The following MACROD2 variants were observed in gnomAD, a reference collection of about 807,000 sequenced individuals.
MACROD2 encodes the protein mono-ADP ribosylhydrolase 2, also known as ADP-ribose glycohydrolase MACROD2.
In MACROD2, 36 loss-of-function variants were observed where a neutral mutation model predicts 70.4. That is an observed-to-expected ratio of 0.51 (90% CI 0.39 to 0.68). The LOEUF is 0.68. Ranked by LOEUF, MACROD2 falls within the 30% of genes least tolerant of loss-of-function variation. MACROD2 has a pLI of 0.00. For synonymous variants in MACROD2, 172 were observed against 178.8 expected (o/e 0.96, Z 0.30); for missense variants, 496 against 538.4 (o/e 0.92, Z 0.78).
chr20:15,202,650 T>G (rs2076666629), intron 5 of MACROD2, among the ~76,000 whole-genome samples: 1 of 152,224 alleles, frequency 6.6e-6, no homozygotes, highest in South Asian at 2.1e-4. Flanking sequence ...TGACCTATCT[T>G]GCTGGGTTCC....
chr20:14,955,336 A>G (rs116845262), intron 5 of MACROD2, among the ~76,000 whole-genome samples: 17,788 of 144,280 alleles, frequency 0.12, 1,387 homozygotes, highest in East Asian at 0.33. Context: ...AACATATACT[A>G]TATAATTTTT....
intron 7 of MACROD2, among the ~76,000 whole-genome samples, chr20:15,496,248 T>G (rs2047296404): frequency 6.6e-6 from 1 of 152,220 alleles, no homozygotes; most frequent in Non-Finnish European, 1.5e-5. Context: ...AGAGAGCTGT[T>G]TAAATCAGTA....
At chr20:14,218,526 G>A (rs2081643068) in intron 3 of MACROD2, among the ~76,000 whole-genome samples, 1 of 152,212 alleles carries the variant, frequency 6.6e-6, no homozygotes, top group South Asian at 2.1e-4. Flanking sequence ...GTATTGAAAT[G>A]TGAGGTACCA....
intron 6 of MACROD2, among the ~76,000 whole-genome samples, chr20:15,417,319 G>A (rs1374256106): frequency 6.7e-6 from 1 of 150,160 alleles, no homozygotes; most frequent in Non-Finnish European, 1.5e-5. Flanking sequence ...GGCCAGATAT[G>A]GGGGTTCACG....
intron 4 of MACROD2, among the ~76,000 whole-genome samples, chr20:14,634,197 A>G (rs1420573536): frequency 6.6e-6 from 1 of 152,180 alleles, no homozygotes; most frequent in African/African-American, 2.4e-5. Context: ...CTGAAGTAGG[A>G]CATTTCCCTC....
In MACROD2 at chr20:14,334,030, A is replaced by C. The variant is rs1186534944; in HGVS notation, c.272-159449A>C. Among the ~76,000 whole-genome samples, 3 of 152,230 alleles carry C rather than the reference A, an allele frequency of 2.0e-5. No individual in the cohort carries two copies. In the East Asian group the frequency reaches 5.8e-4, roughly 29 times the overall value. The stretch of plus-strand genomic sequence containing the variant: ...CTCCCTCCTTTGATTTAAACAGAAT[A>C]ATACCTGCAGAAAGCTTTTTATACA... On this transcript the variant is annotated intron_variant, in intron 3 of 17. Coordinates refer to ENST00000684519, the MANE Select transcript of MACROD2 (RefSeq NM_001351661.2).
intron 5 of MACROD2, among the ~76,000 whole-genome samples, chr20:14,733,921 G>T (rs1220420745): frequency 6.6e-6 from 1 of 152,098 alleles, no homozygotes; most frequent in Non-Finnish European, 1.5e-5. Flanking sequence ...ACCTCTTAAT[G>T]CCTTAGTTTC....
chr20:15,404,617 CTT>C (rs1250373731), intron 6 of MACROD2, among the ~76,000 whole-genome samples: 2 of 152,184 alleles, frequency 1.3e-5, no homozygotes, highest in African/African-American at 4.8e-5. Context: ...AATTCTGTCT[CTT>C]TGAGGTTTTT....
intron 6 of MACROD2, among the ~76,000 whole-genome samples, chr20:15,296,416 G>T (rs888087771): frequency 2.0e-5 from 3 of 152,106 alleles, no homozygotes; most frequent in Non-Finnish European, 2.9e-5. Flanking sequence ...GACTACAAGG[G>T]TATTACACAG....
At chr20:14,772,857 G>A (rs1402227300) in intron 5 of MACROD2, among the ~76,000 whole-genome samples, 1 of 152,024 alleles carries the variant, frequency 6.6e-6, no homozygotes, top group African/African-American at 2.4e-5. Context: ...TCTGGTAAAA[G>A]AAAAACTGAC....
At chr20:15,682,907 A>G (rs752804341) in intron 8 of MACROD2, among the ~76,000 whole-genome samples, 3 of 152,166 alleles carry the variant, frequency 2.0e-5, no homozygotes, top group Admixed American at 6.5e-5. Context: ...CACATTAGTC[A>G]TCTTTTAGAA....
intron 2 of MACROD2, among the ~76,000 whole-genome samples, chr20:14,058,467 C>T (rs1254067833): frequency 6.6e-6 from 1 of 150,708 alleles, no homozygotes; most frequent in Non-Finnish European, 1.5e-5. Context: ...ACTTTTTTCT[C>T]TTATATTTTG....
intron 10 of MACROD2, among the ~76,000 whole-genome samples, chr20:15,924,607 T>C (rs1432519510): frequency 6.6e-6 from 1 of 152,218 alleles, no homozygotes; most frequent in Admixed American, 6.5e-5. Context: ...TGTCAACTCC[T>C]AAAGGGAAAG....
intron 5 of MACROD2, among the ~76,000 whole-genome samples, chr20:14,977,297 ATTT>A (rs777982225): frequency 0.048 from 6,174 of 129,978 alleles, 449 homozygotes; most frequent in African/African-American, 0.16. Context: ...TAACACCTTG[ATTT>A]TTTTTTTTTT....
intron 5 of MACROD2, among the ~76,000 whole-genome samples, chr20:14,837,561 C>T (rs2073042975): frequency 6.6e-6 from 1 of 152,038 alleles, no homozygotes; most frequent in Non-Finnish European, 1.5e-5. Context: ...GTCTTGAAAT[C>T]TCCTGACTTC....
At chr20:15,078,181 G>C (rs771325176) in intron 5 of MACROD2, among the ~76,000 whole-genome samples, 1 of 152,106 alleles carries the variant, frequency 6.6e-6, no homozygotes, top group Non-Finnish European at 1.5e-5. Context: ...ACAATCAGGG[G>C]ACTTGGAGTT....
At chr20:15,927,016 C>T (rs1206638494) in intron 10 of MACROD2, among the ~76,000 whole-genome samples, 1 of 152,148 alleles carries the variant, frequency 6.6e-6, no homozygotes, top group Admixed American at 6.5e-5. Flanking sequence ...AGGATGGCCC[C>T]AGCCGGCACT....
intron 5 of MACROD2, among the ~76,000 whole-genome samples, chr20:14,732,629 G>A (rs905393585): frequency 2.0e-5 from 3 of 152,098 alleles, no homozygotes; most frequent in African/African-American, 4.8e-5. Flanking sequence ...GTTTTAGCCC[G>A]TATCTCAGGA....
intron 5 of MACROD2, among the ~76,000 whole-genome samples, chr20:15,163,512 C>T (rs1251249076): frequency 6.6e-6 from 1 of 151,884 alleles, no homozygotes; most frequent in Admixed American, 6.6e-5. Flanking sequence ...GTACAATTAA[C>T]AAGCTTGTAA....
Sources: gnomAD v4.1 joint callset for allele counts (sites outside exome capture counted in the v4.1 genomes callset) on GRCh38, gnomAD v4.1.1 for gene constraint, MANE v1.5 for transcripts, NCBI Gene and HGNC (gene_info 2026-07-23, HGNC 2026-07-21) for gene names.